ABCD3: variants seen among roughly 807,000 people sequenced by gnomAD.
The protein encoded by ABCD3 is ATP binding cassette subfamily D member 3.
In ABCD3, 41 loss-of-function variants were observed where a neutral mutation model predicts 105.5. The ratio of observed to expected loss-of-function variants is 0.39; its 90% CI spans 0.30 to 0.50. ABCD3 has a LOEUF of 0.50. ABCD3 is among the 20% of genes least tolerant of loss of function. The pLI is 0.84. For synonymous variants in ABCD3, 258 were observed against 269.0 expected, an observed-to-expected ratio of 0.96 and a Z score of 0.40; for missense variants, 622 against 806.3, an observed-to-expected ratio of 0.77 and a Z score of 2.77.
At chr1:94,406,221 T>C in the ABCD3 span, among the ~76,000 whole-genome samples, 2 of 151,992 alleles carry the variant, frequency 1.3e-5, no homozygotes, top group Admixed American at 6.6e-5. Flanking sequence ...ACCTTTATCA[T>C]ACACTAAATT....
the ABCD3 span, among the ~76,000 whole-genome samples, chr1:94,388,133 A>G: frequency 6.6e-6 from 1 of 152,330 alleles, no homozygotes; most frequent in East Asian, 1.9e-4. Flanking sequence ...TACCAAGTAC[A>G]AGTAAAATTA....
the ABCD3 span, among the ~76,000 whole-genome samples, chr1:94,410,260 T>C: frequency 1.3e-5 from 2 of 152,240 alleles, no homozygotes; most frequent in Admixed American, 6.5e-5. Context: ...ACTTTGATTG[T>C]ATATCCAGCA....
At chr1:94,440,557 G>T (rs1660095884) in intron 1 of ABCD3, among the ~76,000 whole-genome samples, 1 of 152,154 alleles carries the variant, frequency 6.6e-6, no homozygotes. Flanking sequence ...TGGACTGTGT[G>T]GAATGCCTCC....
In ABCD3 at chr1:94,498,955, T is replaced by C. The variant is rs1384345213; in HGVS notation, c.1541T>C (p.Met514Thr). ...KLFYVPQRPY[M>T]TLGTLRDQVI... ...CTCTACTACTGTCAGAGACCTTACA[T>C]GACCCTTGGAACACTTCGAGATCAA... The change falls in exon 19 of 23, where the codon ATG becomes ACG. Residue 514 changes from methionine (M) to threonine (T), a missense_variant. Physicochemically the swap from Met to Thr is moderately conservative, Grantham distance 81 (BLOSUM62 -1). This residue lies in a region of ABCD3 where 285 missense variants were observed against 352.5 expected (regional missense o/e 0.81). Transcript: ENST00000370214. 1 of 1,613,986 alleles carries C rather than the reference T, an allele frequency of 6.2e-7. No individual in the cohort carries two copies. Among genetic ancestry groups the C allele is most frequent in the Non-Finnish European group, 8.5e-7 (1 of 1,179,934 alleles).
At chr1:94,392,221 A>G in the ABCD3 span, among the ~76,000 whole-genome samples, 1 of 152,184 alleles carries the variant, frequency 6.6e-6, no homozygotes, top group African/African-American at 2.4e-5. Context: ...AATAGGATGC[A>G]TGTGGAAATG....
rs1385729799 is a variant in ABCD3 at position 94,517,828 on chromosome 1, A to G, written c.*699A>G. ...TGCTTACAAGGAGGGGTTACCATGT[A>G]TCACACCTAATCTTCCCAATGTTTG... On this transcript the variant is annotated 3_prime_UTR_variant, in exon 23 of 23. Coordinates refer to ENST00000370214, the MANE Select transcript of ABCD3 (RefSeq NM_002858.4). The G allele has an allele frequency of 2.0e-5, 3 of 152,538 alleles. No individual in the cohort carries two copies. The highest frequency in any genetic ancestry group is 6.8e-3 in the Middle Eastern group (2 of 294). 9.4% of individuals were successfully genotyped at this position (152,538 alleles called of 1,614,324 possible).
rs1418747526 is a variant in ABCD3, at chr1:94,480,626, A to T, written c.827+20A>T. 2 of 1,613,168 alleles carry T rather than the reference A, an allele frequency of 1.2e-6. No individual in the cohort carries two copies. Among genetic ancestry groups the T allele is most frequent in the Non-Finnish European group, 8.5e-7 (1 of 1,179,402 alleles). ...AAACAGGTAAAGACAAATGCATTAA[A>T]GCCTTGCTAAAAATTAATTTCTATG... On this transcript the variant is annotated intron_variant, in intron 9 of 22. Coordinates refer to ENST00000370214, the MANE Select transcript of ABCD3 (RefSeq NM_002858.4).
chr1:94,465,915 A>C (rs149587770), intron 3 of ABCD3, among the ~76,000 whole-genome samples: 2 of 152,158 alleles, frequency 1.3e-5, no homozygotes, highest in Non-Finnish European at 2.9e-5. Context: ...CTTTTTGGTC[A>C]CTGGGATCTG....
chr1:94,390,681 T>C, the ABCD3 span, among the ~76,000 whole-genome samples: 1 of 152,162 alleles, frequency 6.6e-6, no homozygotes, highest in Non-Finnish European at 1.5e-5. Context: ...CTTAGACATA[T>C]TAACTTGGCT....
chr1:94,515,819 C>T (rs1481030299), intron 22 of ABCD3, among the ~76,000 whole-genome samples: 3 of 149,100 alleles, frequency 2.0e-5, no homozygotes, highest in African/African-American at 7.6e-5. Flanking sequence ...TTTCTTTCCT[C>T]CTCCCTCCCT....
rs183608897 is a variant in ABCD3, at chr1:94,442,865, T to C, written c.111-15742T>C. ...TACATTTTTCTTATCCAGTCCTCCA[T>C]TGATAGGCACTTAGGTTGATTCCAT... On this transcript the variant is annotated intron_variant, in intron 1 of 22. Transcript: ENST00000370214. Among the ~76,000 whole-genome samples the C allele has an allele frequency of 2.8e-4, 43 of 152,336 alleles. 1 individual carries two copies. In the South Asian group the frequency reaches 8.5e-3, roughly 30 times the overall value.
At chr1:94,465,769 A>C (rs1648104647) in intron 3 of ABCD3, among the ~76,000 whole-genome samples, 1 of 152,168 alleles carries the variant, frequency 6.6e-6, no homozygotes, top group Non-Finnish European at 1.5e-5. Context: ...CTTTTTTATC[A>C]AGATTATCTT....
chr1:94,454,157 G>T (rs55914078), intron 1 of ABCD3, among the ~76,000 whole-genome samples: 45 of 151,930 alleles, frequency 3.0e-4, no homozygotes, highest in African/African-American at 1.1e-3. Flanking sequence ...TAATGATAAC[G>T]AACTCAGAAA....
chr1:94,448,544 C>T (rs1313488801), intron 1 of ABCD3, among the ~76,000 whole-genome samples: 2 of 152,160 alleles, frequency 1.3e-5, no homozygotes, highest in African/African-American at 2.4e-5. Context: ...AAAAGCGGAG[C>T]TTTTGTAGCT....
chr1:94,471,667 T>A (rs1261348662), intron 4 of ABCD3, among the ~76,000 whole-genome samples: 1 of 152,218 alleles, frequency 6.6e-6, no homozygotes, highest in African/African-American at 2.4e-5. Flanking sequence ...AAAAAAAGTT[T>A]TAAAATATTG....
the ABCD3 span, chr1:94,406,335 G>GTTTTTTTTT: frequency 1.9e-4 from 34 of 179,222 alleles, 1 homozygote; most frequent in East Asian, 3.0e-4. Context: ...ATAGTATTTT[G>GTTTTTTTTT]TTTTGTTTTT....
intron 1 of ABCD3, among the ~76,000 whole-genome samples, chr1:94,435,569 T>C (rs1330499532): frequency 6.6e-6 from 1 of 152,176 alleles, no homozygotes; most frequent in Non-Finnish European, 1.5e-5. Flanking sequence ...TTCTCTCTTT[T>C]TGTGATTTTA....
chr1:94,408,389 C>T, the ABCD3 span, among the ~76,000 whole-genome samples: 3 of 151,324 alleles, frequency 2.0e-5, no homozygotes, highest in Non-Finnish European at 4.4e-5. Context: ...TTAAGACCAG[C>T]TTGGCCAACA....
At chr1:94,483,423 TTAAAAAC>T (rs1285364099) in intron 10 of ABCD3, among the ~76,000 whole-genome samples, 184 bp downstream of exon 10, 2 of 152,100 alleles carry the variant, frequency 1.3e-5, no homozygotes, top group African/African-American at 4.8e-5. Context: ...AAATATGAGA[TTAAAAAC>T]TATCATATCA....
Sources: gnomAD v4.1 joint callset for allele counts (sites outside exome capture counted in the v4.1 genomes callset) on GRCh38, gnomAD v4.1.1 for gene constraint, gnomAD v4.1.1 regional missense constraint, MANE v1.5 for transcripts, NCBI Gene and HGNC (gene_info 2026-07-23, HGNC 2026-07-21) for gene names.